The following SNTG1 variants were observed in gnomAD, a reference collection of about 807,000 sequenced individuals.
SNTG1 encodes gamma-1-syntrophin.
SNTG1 carries 39 observed loss-of-function variants against 74.7 expected under a neutral mutation model. The ratio of observed to expected loss-of-function variants is 0.52; its 90% confidence interval spans 0.40 to 0.68. The LOEUF is 0.68. SNTG1 is among the 30% of genes least tolerant of loss of function. The pLI is 0.00. For synonymous variants in SNTG1, 254 were observed against 217.1 expected (o/e 1.17, Z -1.49); for missense variants, 685 against 609.5 (o/e 1.12, Z -1.30).
intron 17 of SNTG1, among the ~76,000 whole-genome samples, chr8:50,725,961 C>T (rs2095499078): frequency 6.6e-6 from 1 of 152,164 alleles, no homozygotes; most frequent in African/African-American, 2.4e-5. Context: ...GTATTCCACA[C>T]TTGAAAAAGA....
intron 1 of SNTG1, among the ~76,000 whole-genome samples, chr8:50,136,719 G>T (rs769935846): frequency 6.6e-6 from 1 of 152,042 alleles, no homozygotes; most frequent in South Asian, 2.1e-4. Flanking sequence ...TGCCTGAGCT[G>T]CAGGGGGCAC....
chr8:50,253,092 G>A (rs572486023), intron 2 of SNTG1, among the ~76,000 whole-genome samples: 143 of 152,178 alleles, frequency 9.4e-4, no homozygotes, highest in Admixed American at 9.2e-4. Context: ...CTGTAAATCC[G>A]TACAGCCACT....
chr8:50,199,957 T>C (rs2083923594), intron 2 of SNTG1, among the ~76,000 whole-genome samples: 1 of 152,158 alleles, frequency 6.6e-6, no homozygotes, highest in Non-Finnish European at 1.5e-5. Flanking sequence ...AATAGGATGA[T>C]AGGCAAGGAG....
intron 15 of SNTG1, among the ~76,000 whole-genome samples, chr8:50,666,104 A>G (rs2095249778): frequency 1.3e-5 from 2 of 152,150 alleles, no homozygotes; most frequent in South Asian, 2.1e-4. Context: ...CTAGGAGGAA[A>G]CATCTATCTA....
chr8:50,507,545 A>T (rs2129827998), intron 9 of SNTG1, among the ~76,000 whole-genome samples: 1 of 151,946 alleles, frequency 6.6e-6, no homozygotes, highest in African/African-American at 2.4e-5. Flanking sequence ...TTCATAATTG[A>T]TTGTTGGTAT....
chr8:49,914,936 G>A (rs977691848), intron 1 of SNTG1: 1 of 152,162 alleles, frequency 6.6e-6, no homozygotes, highest in African/African-American at 2.4e-5. Flanking sequence ...AATTCAAATG[G>A]AGAGAGATCT....
chr8:50,724,729 T>G (rs987618276), intron 17 of SNTG1, among the ~76,000 whole-genome samples: 12 of 152,166 alleles, frequency 7.9e-5, no homozygotes, highest in Non-Finnish European at 4.4e-5. Flanking sequence ...GTTTTTTAAT[T>G]TAGAAGAATT....
In SNTG1 at chr8:50,258,225, T is replaced by C. The variant is rs1042056674; in HGVS notation, c.-28+85590T>C. Among the ~76,000 whole-genome samples the C allele has an allele frequency of 2.6e-5, 4 of 152,322 alleles. No individual in the cohort carries two copies. The South Asian group carries it at 6.2e-4, about 24-fold the overall frequency. On this transcript the variant is annotated intron_variant, in intron 2 of 18. Transcript: ENST00000642720. ...GATGATCCGAAAGCAGTTTCACTGA[T>C]GAGGATGCTAATACTGTATATTTTG...
chr8:50,514,098 ACT>A (rs1491354354), intron 9 of SNTG1, among the ~76,000 whole-genome samples: 1 of 151,894 alleles, frequency 6.6e-6, no homozygotes, highest in Non-Finnish European at 1.5e-5. Flanking sequence ...TGCATATTTT[ACT>A]TTTTTTTATT....
chr8:50,069,197 T>C (rs533218451), intron 1 of SNTG1, among the ~76,000 whole-genome samples: 2 of 152,302 alleles, frequency 1.3e-5, no homozygotes, highest in East Asian at 1.9e-4. Context: ...GGGCTACTTA[T>C]AGGAGTGAAA....
intron 2 of SNTG1, among the ~76,000 whole-genome samples, chr8:50,240,210 G>A (rs2086105362): frequency 2.0e-5 from 3 of 152,130 alleles, no homozygotes; most frequent in Admixed American, 2.0e-4. Flanking sequence ...AAGGAAATAA[G>A]CCATTTTTGC....
At chr8:50,067,746 T>C (rs1821016797) in intron 1 of SNTG1, among the ~76,000 whole-genome samples, 1 of 152,146 alleles carries the variant, frequency 6.6e-6, no homozygotes, top group Non-Finnish European at 1.5e-5. Flanking sequence ...CAGCATGAGC[T>C]CTTGTAGATG....
intron 1 of SNTG1, among the ~76,000 whole-genome samples, chr8:50,002,768 A>G (rs1814863176): frequency 6.6e-6 from 1 of 152,294 alleles, no homozygotes; most frequent in South Asian, 2.1e-4. Context: ...AAGAAAAATA[A>G]AAACATATGC....
At chr8:50,245,073 A>C (rs2086334552) in intron 2 of SNTG1, among the ~76,000 whole-genome samples, 1 of 152,172 alleles carries the variant, frequency 6.6e-6, no homozygotes, top group East Asian at 1.9e-4. Flanking sequence ...TACAACTCTC[A>C]AAGTGTCTAG....
At chr8:50,438,172 C>T (rs1205048473) in intron 4 of SNTG1, among the ~76,000 whole-genome samples, 2 of 152,040 alleles carry the variant, frequency 1.3e-5, no homozygotes, top group Non-Finnish European at 2.9e-5. Flanking sequence ...ACCATTGCCT[C>T]TGAGTTACTT....
chr8:50,263,795 A>G lies in SNTG1; in HGVS notation c.-28+91160A>G, dbSNP rs2087316439. Among the ~76,000 whole-genome samples the G allele has an allele frequency of 2.0e-5, 3 of 152,342 alleles. No individual in the cohort carries two copies. The South Asian group carries it at 6.2e-4, about 32-fold the overall frequency. On this transcript the variant is annotated intron_variant, in intron 2 of 18. Transcript: ENST00000642720. Reference sequence around the variant, plus strand: ...TACAGGTAGAGCAAGCAGAAAAAGCACAATAATGCAGAAGACTTGAACAGC... The same window carrying G: ...TACAGGTAGAGCAAGCAGAAAAAGCGCAATAATGCAGAAGACTTGAACAGC...
intron 2 of SNTG1, among the ~76,000 whole-genome samples, chr8:50,215,227 AC>A (rs1412540461): frequency 1.3e-5 from 2 of 152,186 alleles, no homozygotes; most frequent in South Asian, 2.1e-4. Context: ...TTAGAAGATT[AC>A]ATTCTTCAGG....
At chr8:50,720,845 G>A (rs756519434) in intron 17 of SNTG1, among the ~76,000 whole-genome samples, 3 of 152,084 alleles carry the variant, frequency 2.0e-5, no homozygotes, top group African/African-American at 4.8e-5. Context: ...TACATAAATC[G>A]TTCTTTCAAA....
intron 1 of SNTG1, among the ~76,000 whole-genome samples, chr8:50,118,796 G>A (rs1183105611): frequency 7.0e-6 from 1 of 142,060 alleles, no homozygotes; most frequent in African/African-American, 2.5e-5. Flanking sequence ...TCATTCTAAA[G>A]AATTATATAT....
Sources: allele counts gnomAD v4.1 joint callset (sites outside exome capture counted in the v4.1 genomes callset), GRCh38; gene constraint gnomAD v4.1.1; transcripts MANE v1.5; gene names NCBI Gene and HGNC (gene_info 2026-07-23, HGNC 2026-07-21).